The following BRAF variants were observed in gnomAD, a reference collection of about 807,000 sequenced individuals.
BRAF encodes serine/threonine-protein kinase B-raf.
A neutral mutation model predicts 104.6 loss-of-function variants in BRAF; 16 were observed. That is an observed-to-expected ratio of 0.15 (90% CI 0.10 to 0.23). The LOEUF is 0.23. Ranked by LOEUF, BRAF falls within the 10% of genes least tolerant of loss-of-function variation. BRAF has a pLI of 1.00. For missense variants in BRAF, 541 were observed against 937.3 expected (o/e 0.58, Z 5.52); for synonymous variants, 310 against 341.6 (o/e 0.91, Z 1.02).
chr7:140,762,603 GTT>G (rs774057622), intron 14 of BRAF, among the ~76,000 whole-genome samples: 132 of 96,202 alleles, frequency 1.4e-3, no homozygotes, highest in African/African-American at 3.7e-3. Context: ...TCCAGGAGCT[GTT>G]TTTTTTTTTT....
rs180904994 is a variant in BRAF, at chr7:140,921,715, G to A, written c.138+2851C>T. On this transcript the variant is annotated intron_variant, in intron 1 of 19. Transcript: ENST00000644969. ...TGATTTTTTACTTTTTGTACTTATAGTTTTCTAATTTTTGATAATGACTTG... is the reference window on the plus strand; with the variant it reads ...TGATTTTTTACTTTTTGTACTTATAATTTTCTAATTTTTGATAATGACTTG... 3.4e-3 allele frequency among the ~76,000 whole-genome samples: 509 copies of A among 151,012 alleles called. 2 individuals are homozygous for A. Among genetic ancestry groups the A allele is most frequent in the Middle Eastern group, 0.021 (6 of 292 alleles).
At chr7:140,787,427 G>T (rs2129031355) in intron 9 of BRAF, 121 bp downstream of exon 9, 2 of 927,546 alleles carry the variant, frequency 2.2e-6, no homozygotes, top group South Asian at 1.6e-5. Flanking sequence ...AAAAAATTTT[G>T]GGTTTCTCTA....
At chr7:140,904,589 C>T (rs1816083168) in intron 1 of BRAF, among the ~76,000 whole-genome samples, 1 of 152,114 alleles carries the variant, frequency 6.6e-6, no homozygotes, top group Admixed American at 6.6e-5. Flanking sequence ...TTTCTAACTT[C>T]CATTGTGATT....
chr7:140,854,781 C>T (rs989452995), intron 1 of BRAF, among the ~76,000 whole-genome samples: 2 of 151,908 alleles, frequency 1.3e-5, no homozygotes, highest in African/African-American at 4.8e-5. Context: ...CCCGTCTCTA[C>T]TAAAAATACA....
At chr7:140,889,326 T>TAGCTAAACTTGAAACATC (rs1440606668) in intron 1 of BRAF, among the ~76,000 whole-genome samples, 3 of 152,224 alleles carry the variant, frequency 2.0e-5, no homozygotes, top group Non-Finnish European at 2.9e-5. Context: ...CTTGAAACAT[T>TAGCTAAACTTGAAACATC]AGCTAAACTT....
chr7:140,858,999 T>C (rs1241052444), intron 1 of BRAF, among the ~76,000 whole-genome samples: 2 of 152,054 alleles, frequency 1.3e-5, no homozygotes, highest in Non-Finnish European at 2.9e-5. Context: ...TTGTTGGATA[T>C]AAAATCAAGG....
At position 140,843,882 on chromosome 7, in the gene BRAF, G is replaced by A. The variant is rs191563308; in HGVS notation, c.240+6229C>T. 7.6e-3 allele frequency among the ~76,000 whole-genome samples: 1,158 copies of A among 152,154 alleles called. 17 individuals are homozygous for A. The highest frequency in any genetic ancestry group is 0.026 in the African/African-American group (1,090 of 41,504). The stretch of plus-strand genomic sequence containing the variant: ...AAATTAGATGGGCGTGGTGGCGGGC[G>A]CCTGTAGTCCCAGCTACTCGGGAGG... On this transcript the variant is annotated intron_variant, in intron 2 of 19. Transcript: ENST00000644969.
chr7:140,820,931 T>A (rs2129054399), intron 3 of BRAF, among the ~76,000 whole-genome samples: 1 of 152,278 alleles, frequency 6.6e-6, no homozygotes. Context: ...TCTCAAAAAA[T>A]AAAATTAAAA....
rs1274222282 is a variant in BRAF, at chr7:140,719,914, G to T, written c.*6580C>A. ...AGTAACAGAAAAGAGGAATGTGTGT[G>T]TGAGTCGCCATAAGGTTTGGAGTGG... On this transcript the variant is annotated 3_prime_UTR_variant, in exon 20 of 20. Transcript: ENST00000644969. 14 of 1,062,406 alleles carry T rather than the reference G, an allele frequency of 1.3e-5. No homozygotes were observed. The highest frequency in any genetic ancestry group is 1.6e-5 in the African/African-American group (1 of 60,902). The allele number at this position is 1,062,406 out of a possible 1,614,324, so 65.8% of individuals were successfully genotyped here.
At chr7:140,778,097 A>G (rs1257115881) in intron 12 of BRAF, 22 bp from the exon 12 acceptor site, 1 of 1,610,830 alleles carries the variant, frequency 6.2e-7, no homozygotes, top group Non-Finnish European at 8.5e-7. Context: ...TTGTTACTCC[A>G]AGTGTCATTT....
intron 14 of BRAF, among the ~76,000 whole-genome samples, chr7:140,763,411 C>T (rs1017488055): frequency 6.7e-5 from 10 of 150,364 alleles, no homozygotes; most frequent in Non-Finnish European, 8.9e-5. Flanking sequence ...TAGGGGCGGC[C>T]GGGCAGAGGC....
Position 140,924,358 on chromosome 7 carries a change from AC to A in BRAF, c.138+207del, listed in dbSNP as rs986876384. Reference sequence around the variant, plus strand: ...CACATCTGGGGTGGGGGCCAGGGAAACCCCCCGGGCCATTGTGTGTGTTTAC... The same window carrying A: ...CACATCTGGGGTGGGGGCCAGGGAAACCCCCGGGCCATTGTGTGTGTTTAC... On this transcript the variant is annotated intron_variant, in intron 1 of 19. Coordinates refer to ENST00000644969, the MANE Select transcript of BRAF (RefSeq NM_001374258.1). The surrounding 1 kb of genome is among the most constrained non-coding windows in gnomAD (Gnocchi z 4.2). 2.0e-5 allele frequency among the ~76,000 whole-genome samples: 3 copies of A among 151,574 alleles called. No individual in the cohort carries two copies. The highest frequency in any genetic ancestry group is 4.4e-5 in the Non-Finnish European group (3 of 67,850).
At chr7:140,760,150 T>C (rs1798553193) in intron 14 of BRAF, among the ~76,000 whole-genome samples, 1 of 152,130 alleles carries the variant, frequency 6.6e-6, no homozygotes. Context: ...CAGTGGATCA[T>C]GCCTGTAATT....
At chr7:140,787,693 A>C in intron 8 of BRAF, 109 bp from the exon 9 acceptor site, 1 of 909,728 alleles carries the variant, frequency 1.1e-6, no homozygotes, top group Non-Finnish European at 1.8e-6. Flanking sequence ...ATTAATTAAA[A>C]CAATACATCT....
At chr7:140,749,789 A>G (rs925309072) in intron 16 of BRAF, among the ~76,000 whole-genome samples, 1 of 152,210 alleles carries the variant, frequency 6.6e-6, no homozygotes, top group Non-Finnish European at 1.5e-5. Flanking sequence ...ACTTGTGGTT[A>G]TAAGATGCTT....
chr7:140,890,571 T>C (rs1429992766), intron 1 of BRAF, among the ~76,000 whole-genome samples: 1 of 152,238 alleles, frequency 6.6e-6, no homozygotes, highest in Admixed American at 6.5e-5. Context: ...TTAAGTTTAC[T>C]GACTTCCCAA....
intron 10 of BRAF, among the ~76,000 whole-genome samples, chr7:140,785,529 G>T (rs1175393300): frequency 6.6e-6 from 1 of 152,178 alleles, no homozygotes; most frequent in Non-Finnish European, 1.5e-5. Context: ...GAGTACGTGT[G>T]AGACGTACAT....
At chr7:140,786,318 C>T (rs17161709) in intron 9 of BRAF, among the ~76,000 whole-genome samples, 13,841 of 152,100 alleles carry the variant, frequency 0.091, 2,070 homozygotes, top group African/African-American at 0.31. Context: ...ACAATGTTTA[C>T]TCAATGTAAA....
At chr7:140,818,533 G>C (rs1193014907) in intron 3 of BRAF, among the ~76,000 whole-genome samples, 2 of 151,916 alleles carry the variant, frequency 1.3e-5, no homozygotes, top group African/African-American at 4.8e-5. Flanking sequence ...GGCTGGTCTC[G>C]AACTCCTGAC....
Sources: gnomAD v4.1 joint callset for allele counts (sites outside exome capture counted in the v4.1 genomes callset) on GRCh38, gnomAD v4.1.1 for gene constraint, Gnocchi (gnomAD v3.1) non-coding constraint, MANE v1.5 for transcripts, NCBI Gene and HGNC (gene_info 2026-07-23, HGNC 2026-07-21) for gene names.